ATP10A: variants seen among roughly 807,000 people sequenced by gnomAD.
ATP10A encodes the protein ATPase phospholipid transporting 10A (putative).
In ATP10A, 111 loss-of-function variants were observed where a neutral mutation model predicts 147.8. The observed-to-expected ratio is 0.75, with a 90% CI of 0.64 to 0.88. The LOEUF (loss-of-function observed/expected upper bound fraction) is 0.88, where lower values mean the gene tolerates loss of function less well. Ranked by LOEUF, ATP10A falls within the 40% of genes least tolerant of loss-of-function variation. The pLI, the probability that ATP10A is intolerant of heterozygous loss-of-function variation, is 0.00. For missense variants in ATP10A, 1,927 were observed against 1,959.0 expected (o/e 0.98, Z 0.31); for synonymous variants, 875 against 841.6 (o/e 1.04, Z -0.69).
At chr15:25,773,847 CACACAT>C (rs1468021153) in intron 2 of ATP10A, among the ~76,000 whole-genome samples, 1 of 134,230 alleles carries the variant, frequency 7.4e-6, no homozygotes, top group African/African-American at 2.8e-5. Flanking sequence ...CACACACACA[CACACAT>C]ATTCACTCAC....
rs558179647 is a variant in ATP10A, at chr15:25,698,347, C to T, written c.2761-3201G>A. Among the ~76,000 whole-genome samples the T allele has an allele frequency of 1.1e-4, 17 of 152,274 alleles. No homozygotes were observed. The East Asian group carries it at 2.1e-3, about 19-fold the overall frequency. ...GATGGGCCCAATGGGAGAATAGACACGACCAAGGAAAGAGTCAGTGAAGAT... is the reference window on the plus strand; with the variant it reads ...GATGGGCCCAATGGGAGAATAGACATGACCAAGGAAAGAGTCAGTGAAGAT... On this transcript the variant is annotated intron_variant, in intron 13 of 20. Coordinates refer to ENST00000555815, the MANE Select transcript of ATP10A (RefSeq NM_024490.4).
In ATP10A at chr15:25,827,745, C is replaced by A. The variant is rs74004308; in HGVS notation, c.449+34903G>T. Among the ~76,000 whole-genome samples the A allele has an allele frequency of 7.3e-3, 1,116 of 152,210 alleles. 8 individuals carry two copies. Among genetic ancestry groups the A allele is most frequent in the African/African-American group, 0.026 (1,066 of 41,540 alleles). The stretch of plus-strand genomic sequence containing the variant: ...ATGGAGGAACAGACAAATAAAAATA[C>A]CTAAGACATAAAGACTGCAAATAGC... On this transcript the variant is annotated intron_variant, in intron 1 of 20. Coordinates refer to ENST00000555815, the MANE Select transcript of ATP10A (RefSeq NM_024490.4).
At chr15:25,858,175 T>C (rs1893600013) in intron 1 of ATP10A, among the ~76,000 whole-genome samples, 1 of 152,196 alleles carries the variant, frequency 6.6e-6, no homozygotes, top group Non-Finnish European at 1.5e-5. Context: ...TGCCCTAACC[T>C]ACCTACAGGG....
chr15:25,714,963 T>TAC lies in ATP10A; in HGVS notation c.1777-723_1777-722insGT, dbSNP rs1275069986. On this transcript the variant is annotated intron_variant, in intron 9 of 20. Coordinates refer to ENST00000555815, the MANE Select transcript of ATP10A (RefSeq NM_024490.4). ...AGTAAGAAACAAAATGAATGACACA[T>TAC]ATACACACACACACACACACACACA... 5.9e-4 allele frequency among the ~76,000 whole-genome samples: 73 copies of TAC among 123,984 alleles called. 1 individual carries two copies. The highest frequency in any genetic ancestry group is 1.5e-3 in the African/African-American group (41 of 27,390). 81.3% of individuals were successfully genotyped at this position (123,984 alleles called of 152,430 possible).
intron 1 of ATP10A, among the ~76,000 whole-genome samples, chr15:25,795,734 A>G (rs993562060): frequency 3.9e-5 from 6 of 152,158 alleles, no homozygotes; most frequent in African/African-American, 9.7e-5. Flanking sequence ...GACATGTGCT[A>G]TAGTGTGGAT....
Position 25,705,197 on chromosome 15 carries a change from TAGAC to T in ATP10A, c.2575+2775_2575+2778del, listed in dbSNP as rs1900903286. Among the ~76,000 whole-genome samples, 3 of 152,082 alleles carry T rather than the reference TAGAC, an allele frequency of 2.0e-5. No homozygotes were observed. In the South Asian group the frequency reaches 6.2e-4, roughly 32 times the overall value. Reference sequence around the variant, plus strand: ...GGCACACGCCTGTAATCCCAGCACTTAGACAGACTGAGGCAGGAGGATCACGTTA... The same window carrying T: ...GGCACACGCCTGTAATCCCAGCACTTAGACTGAGGCAGGAGGATCACGTTA... On this transcript the variant is annotated intron_variant, in intron 12 of 20. Transcript: ENST00000555815.
At chr15:25,722,418 T>C (rs1902300869) in intron 6 of ATP10A, among the ~76,000 whole-genome samples, 1 of 152,246 alleles carries the variant, frequency 6.6e-6, no homozygotes. Flanking sequence ...TTCTGTGCTC[T>C]TCTTGTACAA....
At chr15:25,723,694 G>A (rs1902381958) in intron 6 of ATP10A, among the ~76,000 whole-genome samples, 197 bp downstream of exon 6, 1 of 151,900 alleles carries the variant, frequency 6.6e-6, no homozygotes, top group Non-Finnish European at 1.5e-5. Flanking sequence ...CAGAAAAGGA[G>A]AATTTTAACT....
chr15:25,673,133 C>T (rs993307029), downstream of ATP10A, among the ~76,000 whole-genome samples: 2 of 152,112 alleles, frequency 1.3e-5, no homozygotes, highest in African/African-American at 4.8e-5. Context: ...GGCTGCCACT[C>T]CAGTGGTCAG....
intron 2 of ATP10A, among the ~76,000 whole-genome samples, chr15:25,773,340 G>A (rs28431312): frequency 0.16 from 24,763 of 152,088 alleles, 2,136 homozygotes; most frequent in Non-Finnish European, 0.18. Context: ...TAACTCCAAT[G>A]TCTGCGGAGG....
chr15:25,687,659 G>C (rs765827524), intron 16 of ATP10A, 44 bp downstream of exon 16: 4 of 1,350,374 alleles, frequency 3.0e-6, no homozygotes, highest in African/African-American at 1.5e-5. Context: ...CCTAAGAACC[G>C]AACCTTCCAA....
chr15:25,798,368 G>A (rs1055067711), intron 1 of ATP10A, among the ~76,000 whole-genome samples: 1 of 152,170 alleles, frequency 6.6e-6, no homozygotes, highest in African/African-American at 2.4e-5. Context: ...ACCAGTGCCT[G>A]TCCAGCCCTC....
chr15:25,721,543 CGTGTGTGTGTGTGTGTGT>C (rs59037981), intron 7 of ATP10A, 96 bp downstream of exon 7: 92 of 749,556 alleles, frequency 1.2e-4, no homozygotes, highest in African/African-American at 3.4e-4. Context: ...ATCCCTGAAG[CGTGTGTGTGTGTGTGTGT>C]GTGTGTGTGT....
At chr15:25,697,771 T>C (rs1900425537) in intron 13 of ATP10A, among the ~76,000 whole-genome samples, 1 of 152,222 alleles carries the variant, frequency 6.6e-6, no homozygotes, top group African/African-American at 2.4e-5. Context: ...GAATTCAGTA[T>C]GGGAAGAGGC....
intron 1 of ATP10A, among the ~76,000 whole-genome samples, chr15:25,792,060 C>T (rs574512586): frequency 2.2e-4 from 33 of 152,274 alleles, no homozygotes; most frequent in African/African-American, 7.7e-4. Flanking sequence ...TCTGTTACGA[C>T]CTGAGCATCC....
At chr15:25,862,395 G>C (rs1242960272) in intron 1 of ATP10A, 3 of 652,026 alleles carry the variant, frequency 4.6e-6, no homozygotes, top group Non-Finnish European at 8.4e-6. Context: ...TTCTGGCCCC[G>C]ACACGGAGTG....
chr15:25,785,773 T>A (rs1198808251), intron 1 of ATP10A, among the ~76,000 whole-genome samples: 2 of 152,086 alleles, frequency 1.3e-5, no homozygotes, highest in Non-Finnish European at 2.9e-5. Flanking sequence ...GCTGGGGAAG[T>A]CTGGCTGTGC....
rs943284130 is a variant in ATP10A at position 25,814,549 on chromosome 15, A to C, written c.450-33326T>G. ...CCAAATCCCATTTGCCCTTTTCCTC[A>C]GTACCATCCGTGATGACAGGAACCT... On this transcript the variant is annotated intron_variant, in intron 1 of 20. Transcript: ENST00000555815. 7.2e-5 allele frequency among the ~76,000 whole-genome samples: 11 copies of C among 152,206 alleles called. 1 individual carries two copies. The highest frequency in any genetic ancestry group is 8.8e-5 in the Non-Finnish European group (6 of 68,042).
chr15:25,782,587 C>T (rs1319025041), intron 1 of ATP10A, among the ~76,000 whole-genome samples: 1 of 152,134 alleles, frequency 6.6e-6, no homozygotes, highest in African/African-American at 2.4e-5. Flanking sequence ...GCCCCCTTAC[C>T]TCCCAGGGAC....
Sources: allele counts gnomAD v4.1 joint callset (sites outside exome capture counted in the v4.1 genomes callset), GRCh38; gene constraint gnomAD v4.1.1; transcripts MANE v1.5; gene names NCBI Gene and HGNC (gene_info 2026-07-23, HGNC 2026-07-21).